FGD6: variants seen among roughly 807,000 people sequenced by gnomAD.
FGD6 encodes FYVE, RhoGEF and PH domain containing 6.
FGD6 carries 90 observed loss-of-function variants against 149.4 expected under a neutral mutation model. The ratio of observed to expected loss-of-function variants is 0.60; its 90% CI spans 0.51 to 0.72. The LOEUF is 0.72. Among genes scored for constraint, FGD6 ranks in the 30% least tolerant of loss-of-function variants. FGD6 has a pLI of 0.00. For synonymous variants in FGD6, 527 were observed against 584.0 expected, an observed-to-expected ratio of 0.90 and a Z score of 1.41; for missense variants, 1,437 against 1,684.8, an observed-to-expected ratio of 0.85 and a Z score of 2.57.
chr12:95,185,883 A>T (rs1565918672), intron 2 of FGD6, among the ~76,000 whole-genome samples: 1 of 152,158 alleles, frequency 6.6e-6, no homozygotes, highest in African/African-American at 2.4e-5. Context: ...AAAAATTGAG[A>T]TAACATACCA....
chr12:95,083,073 C>T (rs1224708378), intron 20 of FGD6, among the ~76,000 whole-genome samples: 2 of 124,820 alleles, frequency 1.6e-5, no homozygotes, highest in Non-Finnish European at 3.2e-5. Flanking sequence ...AGAAGAGAGT[C>T]CAGAGAACTA....
intron 2 of FGD6, among the ~76,000 whole-genome samples, chr12:95,175,163 G>A (rs1385237003): frequency 6.6e-6 from 1 of 152,100 alleles, no homozygotes; most frequent in Non-Finnish European, 1.5e-5. Flanking sequence ...GAAACAAGGA[G>A]AGATTTTGGT....
Position 95,193,133 on chromosome 12 carries a change from C to T in FGD6, c.2441+15710G>A, listed in dbSNP as rs528974438. Among the ~76,000 whole-genome samples the T allele has an allele frequency of 2.0e-5, 3 of 152,280 alleles. No individual in the cohort carries two copies. The East Asian group carries it at 5.8e-4, about 29-fold the overall frequency. ...TAAACATGCAATTCCCACACAACCC[C>T]TAATTGCACTTTTGGGCATTTATTC... On this transcript the variant is annotated intron_variant, in intron 2 of 20. Transcript: ENST00000343958.
In FGD6 at chr12:95,091,757, T is replaced by C. The variant is rs1199532461; in HGVS notation, c.3800A>G (p.Asn1267Ser). 6.8e-6 allele frequency: 11 copies of C among 1,613,508 alleles called. 1 individual carries two copies. Among genetic ancestry groups the C allele is most frequent in the Middle Eastern group, 3.3e-4 (2 of 6,050 alleles). Residue 1267 changes from asparagine (N) to serine (S), a missense_variant, in exon 17 of 21, where the codon AAT (asparagine) becomes AGT (serine). Physicochemically the swap from Asn to Ser is conservative, Grantham distance 46. Around this residue, in one of 2 missense-constraint regions of FGD6, gnomAD observed 382 missense variants for 538.7 expected, o/e 0.71. Coordinates refer to ENST00000343958, the MANE Select transcript of FGD6 (RefSeq NM_018351.4). ...SNKYGLDYLK[N>S]QPARVCEHCF... ...ATGTTCACATACTCTTGCTGGTTGA[T>C]TTTTCAGGTAATCTAAGCCATACTT...
Position 95,079,609 on chromosome 12 carries a change from C to G in FGD6, c.*1911G>C, listed in dbSNP as rs933727984. ...AACTGCAACGATTCTAACATGGAAG[C>G]CTTATTTATGTGATCTTGATTATAT... On this transcript the variant is annotated 3_prime_UTR_variant, in exon 21 of 21. Coordinates refer to ENST00000343958, the MANE Select transcript of FGD6 (RefSeq NM_018351.4). 2.0e-5 allele frequency: 3 copies of G among 152,142 alleles called. No homozygotes were observed. Among genetic ancestry groups the G allele is most frequent in the Non-Finnish European group, 4.4e-5 (3 of 68,016 alleles). The allele number at this position is 152,142 out of a possible 1,614,324, so 9.4% of individuals were successfully genotyped here. A position where few individuals can be genotyped will look rare whatever the true frequency, so the allele number is the denominator to read the frequency against.
chr12:95,099,404 C>A (rs1479529875), intron 14 of FGD6, among the ~76,000 whole-genome samples: 1 of 152,090 alleles, frequency 6.6e-6, no homozygotes, highest in Non-Finnish European at 1.5e-5. Context: ...GACTCCTTAC[C>A]CACTTTAATA....
At chr12:95,182,220 C>CT (rs34662366) in intron 2 of FGD6, among the ~76,000 whole-genome samples, 72,381 of 135,090 alleles carry the variant, frequency 0.54, 19,654 homozygotes, top group Non-Finnish European at 0.57. Flanking sequence ...TGTATACATA[C>CT]TTTTTTTTTT....
At chr12:95,115,660 C>T (rs1878984981) in intron 8 of FGD6, among the ~76,000 whole-genome samples, 1 of 152,158 alleles carries the variant, frequency 6.6e-6, no homozygotes. Flanking sequence ...TGTTCAGTGA[C>T]TGAATATATC....
At chr12:95,145,973 C>A (rs1690354805) in intron 5 of FGD6, among the ~76,000 whole-genome samples, 1 of 152,126 alleles carries the variant, frequency 6.6e-6, no homozygotes, top group African/African-American at 2.4e-5. Flanking sequence ...TGCGCCAGGC[C>A]CCCTATGCCA....
chr12:95,186,026 C>T (rs1414045161), intron 2 of FGD6, among the ~76,000 whole-genome samples: 1 of 151,980 alleles, frequency 6.6e-6, no homozygotes, highest in East Asian at 1.9e-4. Context: ...AGCAGAATGG[C>T]AAGAGGAACT....
At chr12:95,216,109 T>C (rs1312815665) in intron 1 of FGD6, among the ~76,000 whole-genome samples, 1 of 152,246 alleles carries the variant, frequency 6.6e-6, no homozygotes, top group Non-Finnish European at 1.5e-5. Context: ...TCTTTTCCTA[T>C]TGGCTAACTT....
chr12:95,183,440 G>A (rs1223277570), intron 2 of FGD6, among the ~76,000 whole-genome samples: 4 of 152,216 alleles, frequency 2.6e-5, no homozygotes, highest in Non-Finnish European at 1.5e-5. Context: ...GACTACATGT[G>A]AATGAGAAAC....
At chr12:95,136,191 C>T (rs561439695) in intron 7 of FGD6, among the ~76,000 whole-genome samples, 104 of 152,088 alleles carry the variant, frequency 6.8e-4, no homozygotes, top group African/African-American at 2.4e-3. Context: ...AACCCTGTCT[C>T]TACTAAAAAT....
intron 5 of FGD6, among the ~76,000 whole-genome samples, chr12:95,149,993 TACACACACACACAC>T (rs10652699): frequency 0.19 from 25,201 of 131,936 alleles, 2,565 homozygotes; most frequent in Non-Finnish European, 0.21. Context: ...TGCTATATAT[TACACACACACACAC>T]ACACACACAC....
At chr12:95,105,566 G>A (rs1239738980) in intron 13 of FGD6, among the ~76,000 whole-genome samples, 1 of 152,160 alleles carries the variant, frequency 6.6e-6, no homozygotes, top group Non-Finnish European at 1.5e-5. Context: ...TTCCCAACTA[G>A]TTGCTAAGTC....
chr12:95,150,013 C>CACAA (rs902524713), intron 5 of FGD6, among the ~76,000 whole-genome samples: 5 of 147,518 alleles, frequency 3.4e-5, no homozygotes, highest in African/African-American at 9.9e-5. Context: ...CACACACACA[C>CACAA]ACACACACAC....
chr12:95,216,116 ACTT>A lies in FGD6; in HGVS notation c.16+1106_16+1108del, dbSNP rs545644090. ...TCTTGCTTTCTTTTCCTATTGGCTA[ACTT>A]CTTGTTTCGTTTGTTGTAATCTGAT... On this transcript the variant is annotated intron_variant, in intron 1 of 20. Transcript: ENST00000343958. Among the ~76,000 whole-genome samples the A allele has an allele frequency of 5.4e-4, 83 of 152,348 alleles. 1 individual carries two copies. The highest frequency in any genetic ancestry group is 1.1e-3 in the Non-Finnish European group (72 of 68,028).
Position 95,208,965 on chromosome 12 carries a change from T to C in FGD6, c.2319A>G (p.Gln773=), listed in dbSNP as rs373635443. The change falls in exon 2 of 21, where the codon CAA becomes CAG. Residue 773 remains glutamine (Q), a synonymous_variant. Coordinates refer to ENST00000343958, the MANE Select transcript of FGD6 (RefSeq NM_018351.4). ...TGCTGGAATTCTGCCATTCCAACTC[T>C]TGAGTTTTCCGTATAGCCATAATAA... is the stretch of plus-strand genomic sequence containing the variant. ...LPFIMAIRKT[Q]ELEWQNSSSM... is the part of the protein sequence containing the mutation. The C allele has an allele frequency of 4.5e-5, 72 of 1,614,014 alleles. No individual in the cohort carries two copies. Among genetic ancestry groups the C allele is most frequent in the Middle Eastern group, 3.3e-4 (2 of 6,084 alleles).
chr12:95,160,659 T>C (rs148735780), intron 3 of FGD6, among the ~76,000 whole-genome samples: 110 of 152,270 alleles, frequency 7.2e-4, no homozygotes, highest in African/African-American at 2.6e-3. Context: ...CAAAGAACAA[T>C]GTAAAGTCAA....
Sources: allele counts gnomAD v4.1 joint callset (sites outside exome capture counted in the v4.1 genomes callset), GRCh38; gene constraint gnomAD v4.1.1; regional missense constraint gnomAD v4.1.1; transcripts MANE v1.5; gene names NCBI Gene and HGNC (gene_info 2026-07-23, HGNC 2026-07-21).